Variants in PRMT2 observed in about 807,000 individuals in gnomAD.
The protein encoded by PRMT2 is protein arginine methyltransferase 2, also known as protein arginine N-methyltransferase 2.
PRMT2 carries 26 observed loss-of-function variants against 57.6 expected under a neutral mutation model. The observed-to-expected ratio is 0.45, with a 90% CI of 0.33 to 0.63. The LOEUF (loss-of-function observed/expected upper bound fraction) is 0.63, where lower values mean the gene tolerates loss of function less well. PRMT2 is among the 20% of genes least tolerant of loss of function. PRMT2 has a pLI of 0.02. For synonymous variants in PRMT2, 219 were observed against 220.0 expected (o/e 1.00, Z 0.04); for missense variants, 472 against 564.4 (o/e 0.84, Z 1.66).
intron 7 of PRMT2, among the ~76,000 whole-genome samples, chr21:46,655,213 G>T (rs544405938): frequency 6.6e-5 from 10 of 152,190 alleles, no homozygotes; most frequent in Admixed American, 5.9e-4. Flanking sequence ...ATTATATGAG[G>T]TAAGCATTGC....
intron 3 of PRMT2, 98 bp downstream of exon 3, chr21:46,637,088 TGCCTTGGAAGGTG>T (rs1386177026): frequency 6.6e-6 from 9 of 1,364,532 alleles, no homozygotes; most frequent in Non-Finnish European, 9.2e-6. Flanking sequence ...GCTTGGCTTG[TGCCTTGGAAGGTG>T]GCCACCGGCA....
In PRMT2 at chr21:46,653,171, A is replaced by G. The variant is rs528644191; in HGVS notation, c.654+3432A>G. 6.5e-5 allele frequency: 64 copies of G among 985,436 alleles called. No individual in the cohort carries two copies. The Middle Eastern group carries it at 1.6e-3, about 24-fold the overall frequency. The allele number at this position is 985,436 out of a possible 1,614,324, so 61.0% of individuals were successfully genotyped here. A position where few individuals can be genotyped will look rare whatever the true frequency, so the allele number is the denominator to read the frequency against. ...CAACCACATTATGACGAATTTTCTA[A>G]GCAAAAGAAACAAAGTAACTGCTGA... On this transcript the variant is annotated intron_variant, in intron 7 of 11. Transcript: ENST00000355680.
intron 7 of PRMT2, among the ~76,000 whole-genome samples, chr21:46,654,575 C>T (rs1251336842): frequency 3.3e-5 from 5 of 152,144 alleles, no homozygotes; most frequent in Non-Finnish European, 1.5e-5. Flanking sequence ...TATCTGTGGG[C>T]TCCACATCTG....
chr21:46,649,908 A>C lies in PRMT2; in HGVS notation c.654+169A>C. ...TGTGGACATTGGCTCAGTGTCTTGA[A>C]TTTTCACCTGATTTAAAAAATGCCT... On this transcript the variant is annotated intron_variant, in intron 7 of 11. Coordinates refer to ENST00000355680, the MANE Select transcript of PRMT2 (RefSeq NM_206962.4). This position sits in a 1 kb window ranked among gnomAD's most constrained non-coding sequence, Gnocchi z 4.8. The C allele has an allele frequency of 6.9e-7, 1 of 1,454,010 alleles. No homozygotes were observed. 90.1% of individuals were successfully genotyped at this position (1,454,010 alleles called of 1,614,324 possible).
At position 46,658,921 on chromosome 21, in the gene PRMT2, G is replaced by GT. The variant is rs777327093; in HGVS notation, c.830+2dup. On this transcript the variant is annotated splice_donor_variant, in intron 8 of 11. Transcript: ENST00000355680. LOFTEE classifies it high-confidence loss of function. ...ACGAGTTCAACCTCAGCGCTCTGAAGTAAGTGTCCACAGCTGGGACTGGCA... is the reference window on the plus strand; with the variant it reads ...ACGAGTTCAACCTCAGCGCTCTGAAGTTAAGTGTCCACAGCTGGGACTGGCA... The GT allele has an allele frequency of 6.2e-7, 1 of 1,612,482 alleles. No homozygotes were observed. Among genetic ancestry groups the GT allele is most frequent in the South Asian group, 1.1e-5 (1 of 90,952 alleles).
At chr21:46,659,010 C>A in intron 8 of PRMT2, 90 bp downstream of exon 8, 2 of 1,496,110 alleles carry the variant, frequency 1.3e-6, no homozygotes, top group Non-Finnish European at 8.9e-7. Context: ...AGATCCCATA[C>A]GACGGTTGGA....
At chr21:46,663,349 C>A in intron 10 of PRMT2, 34 bp from the exon 11 acceptor site, 1 of 1,585,188 alleles carries the variant, frequency 6.3e-7, no homozygotes, top group South Asian at 1.1e-5. Flanking sequence ...TGCCCTAGCT[C>A]AGCCTCCAGG....
rs765473044 is a variant in PRMT2 at position 46,649,873 on chromosome 21, T to C, written c.654+134T>C. On this transcript the variant is annotated intron_variant, in intron 7 of 11. Coordinates refer to ENST00000355680, the MANE Select transcript of PRMT2 (RefSeq NM_206962.4). The surrounding 1 kb of genome is among the most constrained non-coding windows in gnomAD (Gnocchi z 4.8). ...TGTTTTCCCTAATGTGAGGTCTAAT[T>C]AATTTCTTGTGTGGACATTGGCTCA... 2.0e-6 allele frequency: 3 copies of C among 1,496,344 alleles called. No homozygotes were observed. In the African/African-American group the frequency reaches 4.2e-5, roughly 21 times the overall value. The allele number at this position is 1,496,344 out of a possible 1,614,324, so 92.7% of individuals were successfully genotyped here. A position where few individuals can be genotyped will look rare whatever the true frequency, so the allele number is the denominator to read the frequency against.
chr21:46,664,404 C>T lies in PRMT2; in HGVS notation c.*77C>T, dbSNP rs746494912. On this transcript the variant is annotated 3_prime_UTR_variant, in exon 12 of 12. Transcript: ENST00000355680. Reference sequence around the variant, plus strand: ...CACAAGCAAACCAAGTTGCACCTGGCTTCTGCACACTCCTGCGAAAGTCGG... The same window carrying T: ...CACAAGCAAACCAAGTTGCACCTGGTTTCTGCACACTCCTGCGAAAGTCGG... The T allele has an allele frequency of 1.9e-6, 3 of 1,556,124 alleles. No homozygotes were observed. The African/African-American group carries it at 4.1e-5, about 21-fold the overall frequency.
chr21:46,660,464 C>T (rs77725404), intron 8 of PRMT2, among the ~76,000 whole-genome samples: 5,137 of 152,292 alleles, frequency 0.034, 107 homozygotes, highest in Middle Eastern at 0.082. Flanking sequence ...CATTCTAAAA[C>T]TAGGCAAGAC....
chr21:46,648,406 T>C lies in PRMT2; in HGVS notation c.328-52T>C. Reference sequence around the variant, plus strand: ...CTGACCCTCCATCTCAGTCCAGACCTCAGCATGGCTCTAGGTCACAGGCAG... The same window carrying C: ...CTGACCCTCCATCTCAGTCCAGACCCCAGCATGGCTCTAGGTCACAGGCAG... On this transcript the variant is annotated intron_variant, in intron 5 of 11. Transcript: ENST00000355680. The surrounding 1 kb of genome is among the most constrained non-coding windows in gnomAD (Gnocchi z 4.8). 1 of 1,596,684 alleles carries C rather than the reference T, an allele frequency of 6.3e-7. No individual in the cohort carries two copies. Among genetic ancestry groups the C allele is most frequent in the Non-Finnish European group, 8.6e-7 (1 of 1,169,134 alleles).
At chr21:46,658,984 G>A (rs1251282982) in intron 8 of PRMT2, 64 bp downstream of exon 8, 2 of 1,560,436 alleles carry the variant, frequency 1.3e-6, no homozygotes, top group Non-Finnish European at 8.7e-7. Context: ...GTCTGCAGGT[G>A]GGCCAAGGCC....
At chr21:46,659,610 C>CAAA in intron 8 of PRMT2, 1 of 982,376 alleles carries the variant, frequency 1.0e-6, no homozygotes, top group Non-Finnish European at 1.2e-6. Flanking sequence ...TGCTGTTTTC[C>CAAA]CTACCAGACA....
chr21:46,655,980 T>C (rs548784774), intron 7 of PRMT2, among the ~76,000 whole-genome samples: 2 of 152,354 alleles, frequency 1.3e-5, no homozygotes, highest in South Asian at 4.1e-4. Context: ...GTGCTATGGT[T>C]TGTCCCCACC....
chr21:46,646,715 A>G (rs1200201247), intron 5 of PRMT2, among the ~76,000 whole-genome samples: 3 of 152,188 alleles, frequency 2.0e-5, no homozygotes, highest in Non-Finnish European at 4.4e-5. Flanking sequence ...GTAAATTCCT[A>G]CGGGGTGTGT....
At chr21:46,662,618 G>A (rs1029027752) in intron 10 of PRMT2, among the ~76,000 whole-genome samples, 74 of 152,166 alleles carry the variant, frequency 4.9e-4, no homozygotes, top group African/African-American at 1.8e-3. Context: ...GTCTGGGGGC[G>A]TGGAGGGGGC....
chr21:46,643,025 TCAA>T (rs1329019325), intron 3 of PRMT2, among the ~76,000 whole-genome samples: 1 of 23,242 alleles, frequency 4.3e-5, no homozygotes, highest in African/African-American at 3.1e-4. Context: ...AGACTCTGTC[TCAA>T]AAAAAAAAAA....
intron 7 of PRMT2, chr21:46,651,762 G>C: frequency 6.2e-7 from 1 of 1,604,490 alleles, no homozygotes; most frequent in South Asian, 1.1e-5. Context: ...ATGAATCTGG[G>C]AGTCGTTGGT....
intron 7 of PRMT2, among the ~76,000 whole-genome samples, chr21:46,651,341 GTAGGGAGGGCCC>G (rs2061447976): frequency 6.6e-6 from 1 of 152,154 alleles, no homozygotes; most frequent in South Asian, 2.1e-4. Context: ...GGGGGCCGGG[GTAGGGAGGGCCC>G]TGGGGAGGGT....
Sources: gnomAD v4.1 joint callset for allele counts (sites outside exome capture counted in the v4.1 genomes callset) on GRCh38, gnomAD v4.1.1 for gene constraint, Gnocchi (gnomAD v3.1) non-coding constraint, MANE v1.5 for transcripts, NCBI Gene and HGNC (gene_info 2026-07-23, HGNC 2026-07-21) for gene names.